Variants in EIF4G3 observed in about 807,000 individuals in gnomAD.
EIF4G3 encodes the protein eukaryotic translation initiation factor 4 gamma 3, also known as eIF-4-gamma 3.
In EIF4G3, 34 loss-of-function variants were observed where a neutral mutation model predicts 186.4. The ratio of observed to expected loss-of-function variants is 0.18; its 90% CI spans 0.14 to 0.24. The LOEUF (loss-of-function observed/expected upper bound fraction) is 0.24. Ranked by LOEUF, EIF4G3 falls within the 10% of genes least tolerant of loss-of-function variation. EIF4G3 has a pLI of 1.00. For missense variants in EIF4G3, 1,536 were observed against 1,948.5 expected, an observed-to-expected ratio of 0.79 and a Z score of 3.99; for synonymous variants, 673 against 679.5, an observed-to-expected ratio of 0.99 and a Z score of 0.15.
At chr1:21,018,470 G>C (rs1257423394) in intron 4 of EIF4G3, among the ~76,000 whole-genome samples, 2 of 151,832 alleles carry the variant, frequency 1.3e-5, no homozygotes, top group East Asian at 1.9e-4. Context: ...TGAGGCAGGA[G>C]AATCGCTTGA....
intron 2 of EIF4G3, among the ~76,000 whole-genome samples, chr1:21,109,962 T>C (rs2096690652): frequency 6.6e-6 from 1 of 151,956 alleles, no homozygotes; most frequent in Admixed American, 6.6e-5. Flanking sequence ...TTTTTGTATT[T>C]TGGGTAGAGA....
chr1:20,979,624 T>A (rs954338305), intron 10 of EIF4G3, among the ~76,000 whole-genome samples: 5 of 152,210 alleles, frequency 3.3e-5, no homozygotes, highest in Admixed American at 6.5e-5. Context: ...AGTGAACTGG[T>A]GGAAGATGTC....
chr1:21,097,006 C>T (rs1205628688), intron 2 of EIF4G3, among the ~76,000 whole-genome samples: 1 of 152,052 alleles, frequency 6.6e-6, no homozygotes, highest in African/African-American at 2.4e-5. Flanking sequence ...CTTAATGCCA[C>T]AGAACTGTAC....
chr1:20,872,479 G>T (rs1193585838), intron 20 of EIF4G3, among the ~76,000 whole-genome samples: 1 of 152,072 alleles, frequency 6.6e-6, no homozygotes. Flanking sequence ...GCCTATAGTG[G>T]TTTTTAAGCT....
intron 4 of EIF4G3, among the ~76,000 whole-genome samples, chr1:21,007,539 A>AAAAAAAAAAC (rs2085589876): frequency 8.0e-6 from 1 of 125,410 alleles, no homozygotes; most frequent in Non-Finnish European, 1.7e-5. Flanking sequence ...AAAAAAAAAC[A>AAAAAAAAAAC]CACTCAAAAA....
chr1:21,105,389 C>T (rs2096598048), intron 2 of EIF4G3, among the ~76,000 whole-genome samples: 1 of 151,052 alleles, frequency 6.6e-6, no homozygotes, highest in South Asian at 2.1e-4. Context: ...GCGATTGCGC[C>T]ATTGCACTCC....
At chr1:21,052,559 CTCTCCCTCTCCCTCT>C (rs2094288456) in intron 3 of EIF4G3, among the ~76,000 whole-genome samples, 1 of 148,612 alleles carries the variant, frequency 6.7e-6, no homozygotes, top group South Asian at 2.1e-4. Context: ...CCTCTCCCTC[CTCTCCCTCTCCCTCT>C]CCCTCTCCCC....
chr1:20,928,146 C>G (rs1558280429), intron 14 of EIF4G3, among the ~76,000 whole-genome samples: 4 of 152,032 alleles, frequency 2.6e-5, no homozygotes, highest in Admixed American at 6.5e-5. Context: ...TAAAATTTAA[C>G]TAGTAGTAAA....
chr1:21,052,733 G>A (rs948714147), intron 3 of EIF4G3, among the ~76,000 whole-genome samples: 3 of 152,276 alleles, frequency 2.0e-5, no homozygotes, highest in South Asian at 4.1e-4. Flanking sequence ...GGCGCGCGCC[G>A]CCACGCCTGA....
At chr1:20,922,307 A>C (rs930790678) in intron 14 of EIF4G3, among the ~76,000 whole-genome samples, 3 of 151,974 alleles carry the variant, frequency 2.0e-5, no homozygotes, top group Non-Finnish European at 4.4e-5. Context: ...TTCAAAGTCT[A>C]TCTCTTTTTT....
intron 14 of EIF4G3, among the ~76,000 whole-genome samples, chr1:20,921,557 G>A (rs1003817165): frequency 6.6e-6 from 1 of 152,180 alleles, no homozygotes; most frequent in African/African-American, 2.4e-5. Flanking sequence ...ATCTGTACCA[G>A]GGACTAGATA....
At chr1:21,107,857 A>G (rs1276204328) in intron 2 of EIF4G3, among the ~76,000 whole-genome samples, 2 of 152,182 alleles carry the variant, frequency 1.3e-5, no homozygotes, top group Non-Finnish European at 2.9e-5. Context: ...ACAAGTTATA[A>G]CAATTCTTTT....
intron 4 of EIF4G3, among the ~76,000 whole-genome samples, chr1:21,007,421 TACTG>T (rs1399063966): frequency 6.7e-6 from 1 of 148,386 alleles, no homozygotes; most frequent in African/African-American, 2.5e-5. Flanking sequence ...TGTAAGGTAA[TACTG>T]ACCACATTTT....
intron 2 of EIF4G3, among the ~76,000 whole-genome samples, chr1:21,171,417 C>A: frequency 6.6e-6 from 1 of 152,112 alleles, no homozygotes; most frequent in African/African-American, 2.4e-5. Flanking sequence ...TTTATGGTCT[C>A]CCACTATCTC....
Position 20,864,760 on chromosome 1 carries a change from T to C in EIF4G3, c.2770-48A>G, listed in dbSNP as rs550864390. On this transcript the variant is annotated intron_variant, in intron 21 of 36. Transcript: ENST00000602326. ...AGCATCTTGATGATGAAAGTTGTACTGCACAATAAACACTGAGATTCATGG... is the reference window on the plus strand; with the variant it reads ...AGCATCTTGATGATGAAAGTTGTACCGCACAATAAACACTGAGATTCATGG... The C allele has an allele frequency of 1.7e-5, 25 of 1,441,962 alleles. No homozygotes were observed. In the Middle Eastern group the frequency reaches 7.1e-4, roughly 41 times the overall value. 89.3% of individuals were successfully genotyped at this position (1,441,962 alleles called of 1,614,324 possible). A position where few individuals can be genotyped will look rare whatever the true frequency, so the allele number is the denominator to read the frequency against.
rs763498742 is a variant in EIF4G3 at position 21,051,002 on chromosome 1, G to A, written c.-195-8C>T. ...TCTTGCCACTTGTGTTACCTGTGAG[G>A]AAATCAATATTTAGTAAGAACATTA... On this transcript the variant is annotated splice_region_variant and splice_polypyrimidine_tract_variant and intron_variant, in intron 3 of 36. Coordinates refer to ENST00000602326, the MANE Select transcript of EIF4G3 (RefSeq NM_001391906.1). The A allele has an allele frequency of 2.2e-5, 16 of 717,182 alleles. No individual in the cohort carries two copies. Among genetic ancestry groups the A allele is most frequent in the East Asian group, 8.0e-5 (3 of 37,276 alleles). The allele number at this position is 717,182 out of a possible 1,614,324, so 44.4% of individuals were successfully genotyped here.
chr1:21,037,382 TG>T (rs1431088675), intron 4 of EIF4G3, among the ~76,000 whole-genome samples: 16 of 152,252 alleles, frequency 1.1e-4, no homozygotes, highest in African/African-American at 3.6e-4. Flanking sequence ...GCTCGTCATA[TG>T]GGGGGAAGCA....
intron 12 of EIF4G3, among the ~76,000 whole-genome samples, chr1:20,954,561 A>C (rs1161412598): frequency 6.9e-6 from 1 of 144,892 alleles, no homozygotes; most frequent in Non-Finnish European, 1.5e-5. Context: ...AAAAAAAAAG[A>C]AGCAAAACAA....
chr1:21,159,442 A>G (rs1011132274), intron 2 of EIF4G3, among the ~76,000 whole-genome samples: 4 of 151,914 alleles, frequency 2.6e-5, no homozygotes, highest in Admixed American at 6.6e-5. Context: ...AAAAAAAAAA[A>G]AAAGAAAAAA....
Sources: gnomAD v4.1 joint callset for allele counts (sites outside exome capture counted in the v4.1 genomes callset) on GRCh38, gnomAD v4.1.1 for gene constraint, MANE v1.5 for transcripts, NCBI Gene and HGNC (gene_info 2026-07-23, HGNC 2026-07-21) for gene names.